Variants in L3MBTL4 observed in about 807,000 individuals in gnomAD.
L3MBTL4 encodes the protein lethal(3)malignant brain tumor-like protein 4.
Under a neutral mutation model 84.5 loss-of-function variants are expected in L3MBTL4, and 70 were observed. That is an observed-to-expected ratio of 0.83 (90% confidence interval 0.68 to 1.01). The LOEUF is 1.01. Ranked by LOEUF, L3MBTL4 falls within the 50% of genes least tolerant of loss-of-function variation. The pLI is 0.00. For missense variants in L3MBTL4, 715 were observed against 754.8 expected (o/e 0.95, Z 0.62); for synonymous variants, 274 against 259.8 (o/e 1.05, Z -0.52).
chr18:6,066,761 G>A (rs186028054), intron 16 of L3MBTL4, among the ~76,000 whole-genome samples: 1 of 151,902 alleles, frequency 6.6e-6, no homozygotes, highest in Non-Finnish European at 1.5e-5. Context: ...TATGTGTTAG[G>A]TGGGTCTCTT....
intron 16 of L3MBTL4, among the ~76,000 whole-genome samples, chr18:6,027,135 G>A (rs1198118969): frequency 6.6e-6 from 1 of 152,006 alleles, no homozygotes; most frequent in Admixed American, 6.6e-5. Flanking sequence ...CATTATCTAG[G>A]TTTTAAGCCC....
intron 1 of L3MBTL4, chr18:6,399,753 G>A (rs1599915330): frequency 6.6e-6 from 1 of 152,070 alleles, no homozygotes; most frequent in East Asian, 1.9e-4. Flanking sequence ...GACCCTTCAT[G>A]GTCTCTATAT....
At chr18:6,179,763 A>C (rs1158419008) in intron 12 of L3MBTL4, among the ~76,000 whole-genome samples, 1 of 152,100 alleles carries the variant, frequency 6.6e-6, no homozygotes, top group East Asian at 1.9e-4. Flanking sequence ...AAATAGCTGG[A>C]ACTACAGGCG....
intron 4 of L3MBTL4, among the ~76,000 whole-genome samples, chr18:6,301,647 GT>G (rs966955211): frequency 1.3e-5 from 2 of 152,080 alleles, no homozygotes; most frequent in Admixed American, 6.6e-5. Flanking sequence ...TTACAAATAA[GT>G]TGTTTTATTT....
rs533452559 is a variant in L3MBTL4 at position 6,373,230 on chromosome 18, C to T, written c.-91+41571G>A. On this transcript the variant is annotated intron_variant, in intron 1 of 18. Coordinates refer to ENST00000317931, the MANE Select transcript of L3MBTL4 (RefSeq NM_001330559.2). Reference sequence around the variant, plus strand: ...CCTTGTCTCTGCAACCTCATCCGTGCTGGGAACTGGAGAGCTTGTCTCTTG... The same window carrying T: ...CCTTGTCTCTGCAACCTCATCCGTGTTGGGAACTGGAGAGCTTGTCTCTTG... Among the ~76,000 whole-genome samples the T allele has an allele frequency of 8.6e-4, 131 of 152,310 alleles. 1 individual carries two copies. The highest frequency in any genetic ancestry group is 1.8e-4 in the Non-Finnish European group (12 of 68,022).
intron 1 of L3MBTL4, among the ~76,000 whole-genome samples, chr18:6,358,599 A>C (rs2053547832): frequency 6.6e-6 from 1 of 152,222 alleles, no homozygotes; most frequent in Non-Finnish European, 1.5e-5. Flanking sequence ...ACACCTGGTC[A>C]AGCTACTCCA....
In L3MBTL4 at chr18:6,071,402, A is replaced by G. The variant is rs564460484; in HGVS notation, c.1444+9479T>C. 9.9e-5 allele frequency among the ~76,000 whole-genome samples: 15 copies of G among 151,696 alleles called. No homozygotes were observed. In the East Asian group the frequency reaches 2.7e-3, roughly 27 times the overall value. ...GAGACTCTTTCAATTAAAAAAAAAA[A>G]AAAAAAGATAGTAGCCCTAAGTCCA... On this transcript the variant is annotated intron_variant, in intron 16 of 18. Coordinates refer to ENST00000317931, the MANE Select transcript of L3MBTL4 (RefSeq NM_001330559.2).
At chr18:6,199,643 C>T (rs770755613) in intron 12 of L3MBTL4, among the ~76,000 whole-genome samples, 9 of 152,166 alleles carry the variant, frequency 5.9e-5, no homozygotes, top group Non-Finnish European at 1.3e-4. Context: ...GGGCAGGAAG[C>T]AGCTATGCTA....
chr18:6,384,109 C>A (rs1462476097), intron 1 of L3MBTL4, among the ~76,000 whole-genome samples: 1 of 152,144 alleles, frequency 6.6e-6, no homozygotes, highest in African/African-American at 2.4e-5. Context: ...AGCTGTCCTG[C>A]CTCAGAGAGG....
At chr18:6,332,270 A>C (rs1041207408) in intron 1 of L3MBTL4, among the ~76,000 whole-genome samples, 1 of 152,244 alleles carries the variant, frequency 6.6e-6, no homozygotes, top group Admixed American at 6.5e-5. Flanking sequence ...AGTTTTAACT[A>C]TCCTCCTCTT....
intron 15 of L3MBTL4, among the ~76,000 whole-genome samples, chr18:6,090,825 G>C (rs1212701920): frequency 6.8e-6 from 1 of 147,456 alleles, no homozygotes; most frequent in East Asian, 1.9e-4. Context: ...TGTAGAGATG[G>C]GGTTTCATGA....
At chr18:6,183,921 G>T (rs760623806) in intron 12 of L3MBTL4, among the ~76,000 whole-genome samples, 2 of 151,986 alleles carry the variant, frequency 1.3e-5, no homozygotes, top group Non-Finnish European at 2.9e-5. Context: ...AAAAATACAC[G>T]TTAGTCTAAC....
At chr18:6,368,859 T>C (rs952894106) in intron 1 of L3MBTL4, among the ~76,000 whole-genome samples, 2 of 152,008 alleles carry the variant, frequency 1.3e-5, no homozygotes, top group Non-Finnish European at 2.9e-5. Context: ...CTGGCCAACA[T>C]GGTGAAACCC....
chr18:6,036,695 A>C (rs2056156795), intron 16 of L3MBTL4, among the ~76,000 whole-genome samples: 3 of 152,184 alleles, frequency 2.0e-5, no homozygotes, highest in Non-Finnish European at 4.4e-5. Context: ...TACTTATTGA[A>C]AACTGAGCAT....
rs2049712810 is a variant in L3MBTL4 at position 6,288,808 on chromosome 18, G to A, written c.127+13095C>T. Among the ~76,000 whole-genome samples, 9 of 151,486 alleles carry A rather than the reference G, an allele frequency of 5.9e-5. No homozygotes were observed. In the South Asian group the frequency reaches 1.9e-3, roughly 31 times the overall value. ...TTTTAAAAATAAATGTTAGGTAATG[G>A]TAAATGGAATAAAGTTTACAAATGA... On this transcript the variant is annotated intron_variant, in intron 4 of 18. Coordinates refer to ENST00000317931, the MANE Select transcript of L3MBTL4 (RefSeq NM_001330559.2).
chr18:6,135,451 GCT>G (rs1389528557), intron 14 of L3MBTL4, among the ~76,000 whole-genome samples: 8 of 152,110 alleles, frequency 5.3e-5, no homozygotes, highest in Admixed American at 4.6e-4. Flanking sequence ...GAACTTTTAT[GCT>G]CTGTTTTCCT....
At chr18:6,014,992 G>A (rs1050784778) in intron 16 of L3MBTL4, among the ~76,000 whole-genome samples, 1 of 151,994 alleles carries the variant, frequency 6.6e-6, no homozygotes, top group South Asian at 2.1e-4. Flanking sequence ...GGATATAAGG[G>A]GATGCCTTTA....
chr18:5,979,259 C>G (rs1034673590), intron 16 of L3MBTL4, among the ~76,000 whole-genome samples: 1 of 152,136 alleles, frequency 6.6e-6, no homozygotes, highest in Non-Finnish European at 1.5e-5. Context: ...CAGGGGTCAA[C>G]TTGAACAGAG....
chr18:6,213,352 T>C, intron 11 of L3MBTL4, 93 bp from the exon 12 acceptor site: 1 of 646,994 alleles, frequency 1.5e-6, no homozygotes, highest in Non-Finnish European at 2.7e-6. Flanking sequence ...GTTTTAGTTT[T>C]AATATGCAGA....
Sources: allele counts gnomAD v4.1 joint callset (sites outside exome capture counted in the v4.1 genomes callset), GRCh38; gene constraint gnomAD v4.1.1; transcripts MANE v1.5; gene names NCBI Gene and HGNC (gene_info 2026-07-23, HGNC 2026-07-21).